The following CCSER1 variants were observed in gnomAD, a reference collection of about 807,000 sequenced individuals.
CCSER1 encodes serine-rich coiled-coil domain-containing protein 1.
A neutral mutation model predicts 82.0 loss-of-function variants in CCSER1; 41 were observed. That is an observed-to-expected ratio of 0.50 (90% CI 0.39 to 0.65). The LOEUF (loss-of-function observed/expected upper bound fraction) is 0.65. Among genes scored for constraint, CCSER1 ranks in the 30% least tolerant of loss-of-function variants. CCSER1 has a pLI of 0.00. For missense variants in CCSER1, 1,119 were observed against 1,064.2 expected, an observed-to-expected ratio of 1.05 and a Z score of -0.72; for synonymous variants, 414 against 383.9, an observed-to-expected ratio of 1.08 and a Z score of -0.92.
At chr4:91,001,376 C>T (rs1167821009) in intron 9 of CCSER1, among the ~76,000 whole-genome samples, 1 of 151,926 alleles carries the variant, frequency 6.6e-6, no homozygotes, top group Non-Finnish European at 1.5e-5. Flanking sequence ...TTTCTTTTAT[C>T]ATTGTATCTT....
chr4:91,504,897 T>C (rs974399484), intron 10 of CCSER1, among the ~76,000 whole-genome samples: 4 of 152,214 alleles, frequency 2.6e-5, no homozygotes, highest in Non-Finnish European at 5.9e-5. Flanking sequence ...TTATTTCCTT[T>C]GTTCACTTTG....
intron 7 of CCSER1, among the ~76,000 whole-genome samples, chr4:90,740,555 G>C (rs1033171630): frequency 2.0e-5 from 3 of 152,062 alleles, no homozygotes; most frequent in African/African-American, 7.2e-5. Flanking sequence ...TTGTCTATTA[G>C]CATCATATTG....
chr4:90,704,120 C>A (rs988326087), intron 6 of CCSER1, among the ~76,000 whole-genome samples: 2 of 152,088 alleles, frequency 1.3e-5, no homozygotes, highest in Non-Finnish European at 2.9e-5. Context: ...ACCGGTTGTT[C>A]CTTTCCATAT....
chr4:90,630,983 T>A (rs2148929803), intron 6 of CCSER1, among the ~76,000 whole-genome samples: 1 of 151,692 alleles, frequency 6.6e-6, no homozygotes, highest in Non-Finnish European at 1.5e-5. Context: ...AAGCTCCGCC[T>A]CCCGGGTTCA....
intron 10 of CCSER1, among the ~76,000 whole-genome samples, chr4:91,583,135 T>C (rs1349107207): frequency 6.6e-6 from 1 of 151,350 alleles, no homozygotes; most frequent in Non-Finnish European, 1.5e-5. Context: ...AGTGTGGCTA[T>C]GAGAATAAAT....
At chr4:90,990,969 T>G (rs1195902596) in intron 9 of CCSER1, among the ~76,000 whole-genome samples, 1 of 151,928 alleles carries the variant, frequency 6.6e-6, no homozygotes, top group Non-Finnish European at 1.5e-5. Context: ...TTTAGTGTGA[T>G]CAGATCGCAA....
intron 7 of CCSER1, among the ~76,000 whole-genome samples, chr4:90,796,681 T>C (rs1756089212): frequency 6.6e-6 from 1 of 152,180 alleles, no homozygotes; most frequent in Non-Finnish European, 1.5e-5. Flanking sequence ...TGGTACATTG[T>C]GTCTTTTTTC....
chr4:90,460,321 T>C (rs1297270381), intron 4 of CCSER1, among the ~76,000 whole-genome samples: 5 of 68,702 alleles, frequency 7.3e-5, no homozygotes, highest in Middle Eastern at 8.1e-3. Flanking sequence ...CGAAACTCCG[T>C]CTCAAAAAAA....
intron 10 of CCSER1, among the ~76,000 whole-genome samples, chr4:91,542,595 C>G (rs140800015): frequency 6.6e-5 from 10 of 152,192 alleles, no homozygotes; most frequent in African/African-American, 2.4e-4. Flanking sequence ...GTTCAGTTTC[C>G]GTATAGTTGA....
At chr4:91,169,959 G>A (rs1450575120) in intron 10 of CCSER1, among the ~76,000 whole-genome samples, 1 of 152,158 alleles carries the variant, frequency 6.6e-6, no homozygotes, top group East Asian at 1.9e-4. Flanking sequence ...CACTGTTGTA[G>A]TCACTATGGG....
rs542330812 is a variant in CCSER1, at chr4:90,768,180, A to C, written c.2010+44189A>C. On this transcript the variant is annotated intron_variant, in intron 7 of 10. Coordinates refer to ENST00000509176, the MANE Select transcript of CCSER1 (RefSeq NM_001145065.2). ...CCCTTGGTTCACTCACTTTGGGAGA[A>C]GCCAGTACTGTGTCATAAGGTCACC... Among the ~76,000 whole-genome samples, 211 of 152,334 alleles carry C rather than the reference A, an allele frequency of 1.4e-3. 2 individuals carry two copies. Among genetic ancestry groups the C allele is most frequent in the African/African-American group, 4.9e-3 (205 of 41,586 alleles).
intron 6 of CCSER1, among the ~76,000 whole-genome samples, chr4:90,662,239 C>T (rs1393672711): frequency 3.3e-5 from 5 of 151,992 alleles, no homozygotes; most frequent in African/African-American, 7.2e-5. Context: ...CCTCGTGATC[C>T]GCCCACCTGG....
intron 1 of CCSER1, among the ~76,000 whole-genome samples, chr4:90,159,223 A>G (rs962917928): frequency 6.6e-6 from 1 of 151,962 alleles, no homozygotes; most frequent in African/African-American, 2.4e-5. Flanking sequence ...TATTATTATT[A>G]CTTGAGAAAT....
chr4:91,444,432 T>C (rs146393134), intron 10 of CCSER1, among the ~76,000 whole-genome samples: 1 of 140,762 alleles, frequency 7.1e-6, no homozygotes, highest in Non-Finnish European at 1.5e-5. Context: ...GCACAAATCA[T>C]TTTTTTTAAA....
chr4:90,570,944 G>GA (rs894633267), intron 5 of CCSER1, among the ~76,000 whole-genome samples: 14 of 151,366 alleles, frequency 9.2e-5, no homozygotes, highest in Admixed American at 3.9e-4. Context: ...TTGGCCCTCT[G>GA]AAAAAAAACA....
intron 10 of CCSER1, among the ~76,000 whole-genome samples, chr4:91,356,476 T>G (rs1182225957): frequency 6.6e-6 from 1 of 152,212 alleles, no homozygotes; most frequent in Non-Finnish European, 1.5e-5. Flanking sequence ...TGCATCTAAA[T>G]AGATGTGAGA....
At chr4:91,333,229 C>T (rs1747081524) in intron 10 of CCSER1, among the ~76,000 whole-genome samples, 1 of 151,982 alleles carries the variant, frequency 6.6e-6, no homozygotes, top group Non-Finnish European at 1.5e-5. Context: ...CAGTATAATG[C>T]ACCATCTTAA....
chr4:91,020,587 A>G (rs1364588812), intron 9 of CCSER1, among the ~76,000 whole-genome samples: 6 of 152,236 alleles, frequency 3.9e-5, no homozygotes, highest in South Asian at 2.1e-4. Flanking sequence ...GCGTGAACCC[A>G]GAAGGCGGGG....
intron 1 of CCSER1, among the ~76,000 whole-genome samples, chr4:90,160,915 T>C (rs1365716248): frequency 1.3e-5 from 2 of 152,166 alleles, no homozygotes; most frequent in Non-Finnish European, 2.9e-5. Flanking sequence ...ATCAGCATGA[T>C]TTTGTGTGAT....
Sources: gnomAD v4.1 joint callset for allele counts (sites outside exome capture counted in the v4.1 genomes callset) on GRCh38, gnomAD v4.1.1 for gene constraint, MANE v1.5 for transcripts, NCBI Gene and HGNC (gene_info 2026-07-23, HGNC 2026-07-21) for gene names.